The following SNTB1 variants were observed in gnomAD, a reference collection of about 807,000 sequenced individuals.
SNTB1 encodes the protein syntrophin beta 1.
SNTB1 carries 36 observed loss-of-function variants against 48.9 expected under a neutral mutation model. The observed-to-expected ratio is 0.74, with a 90% CI of 0.56 to 0.97. SNTB1 has a LOEUF of 0.97. SNTB1 is among the 50% of genes least tolerant of loss of function. The pLI is 0.00. For synonymous variants in SNTB1, 299 were observed against 294.6 expected (o/e 1.01, Z -0.15); for missense variants, 786 against 703.4 (o/e 1.12, Z -1.33).
chr8:120,568,874 A>G (rs1459345039), intron 4 of SNTB1, among the ~76,000 whole-genome samples: 2 of 152,214 alleles, frequency 1.3e-5, no homozygotes, highest in Non-Finnish European at 2.9e-5. Context: ...TAAGCTGGGT[A>G]ATTTGGGAGA....
intron 1 of SNTB1, 66 bp downstream of exon 1, chr8:120,811,207 G>A (rs1049551078): frequency 2.0e-6 from 3 of 1,521,934 alleles, no homozygotes; most frequent in South Asian, 1.3e-5. Context: ...GAGTGTGAGC[G>A]TGCGGGTGGG....
At chr8:120,675,000 G>C (rs370257291) in intron 2 of SNTB1, among the ~76,000 whole-genome samples, 1 of 152,160 alleles carries the variant, frequency 6.6e-6, no homozygotes, top group African/African-American at 2.4e-5. Flanking sequence ...GTTCCTTTTC[G>C]AACAAAGGTA....
At chr8:120,665,263 C>T (rs995489064) in intron 2 of SNTB1, among the ~76,000 whole-genome samples, 2 of 151,982 alleles carry the variant, frequency 1.3e-5, no homozygotes, top group African/African-American at 4.8e-5. Context: ...ACCAGCCTGG[C>T]CAACATAGTG....
At chr8:120,798,332 G>GTA (rs1264783774) in intron 1 of SNTB1, among the ~76,000 whole-genome samples, 15 of 152,138 alleles carry the variant, frequency 9.9e-5, no homozygotes, top group Middle Eastern at 3.4e-3. Context: ...GCTGTAGGCT[G>GTA]TACACCAGTG....
intron 1 of SNTB1, among the ~76,000 whole-genome samples, chr8:120,722,852 C>T (rs1242894699): frequency 6.6e-6 from 1 of 152,092 alleles, no homozygotes; most frequent in Non-Finnish European, 1.5e-5. Context: ...CCTAGGTTTT[C>T]TTCTAGAGTT....
intron 3 of SNTB1, among the ~76,000 whole-genome samples, chr8:120,589,898 T>C (rs941538367): frequency 2.6e-5 from 4 of 152,176 alleles, no homozygotes; most frequent in Non-Finnish European, 5.9e-5. Context: ...TACCCAGAAT[T>C]TACTCTTTCC....
At chr8:120,798,560 C>T (rs1311666658) in intron 1 of SNTB1, among the ~76,000 whole-genome samples, 1 of 152,044 alleles carries the variant, frequency 6.6e-6, no homozygotes, top group African/African-American at 2.4e-5. Flanking sequence ...CCTTGATGTA[C>T]ACAATATCCC....
intron 3 of SNTB1, among the ~76,000 whole-genome samples, chr8:120,597,062 G>A (rs1229513020): frequency 2.6e-5 from 4 of 152,174 alleles, no homozygotes; most frequent in African/African-American, 9.6e-5. Context: ...TTATCTGGAT[G>A]AGCCCTAAAT....
At chr8:120,733,336 T>C (rs775196098) in intron 1 of SNTB1, among the ~76,000 whole-genome samples, 2 of 152,258 alleles carry the variant, frequency 1.3e-5, no homozygotes, top group Non-Finnish European at 2.9e-5. Context: ...TATCCTTGGC[T>C]GGCAATTGGT....
At position 120,811,731 on chromosome 8, in the gene SNTB1, A is replaced by G; in HGVS notation, c.113T>C (p.Leu38Pro). The change falls in exon 1 of 7, where the codon CTG (leucine) becomes CCG (proline). Residue 38 changes from leucine to proline, a missense_variant. By Grantham distance (98) the Leu-to-Pro change is moderately conservative. Transcript: ENST00000517992. Reference sequence around the variant, plus strand: ...CAGGGCGTCCTCGCTCAAGTTCACCAGAACTTTGTGCCAGCGATCCCGCAC... The same window carrying G: ...CAGGGCGTCCTCGCTCAAGTTCACCGGAACTTTGTGCCAGCGATCCCGCAC... The part of the protein sequence containing the change: ...VLVRDRWHKV[L>P]VNLSEDALVL... 6.4e-7 allele frequency: 1 copy of G among 1,563,330 alleles called. No homozygotes were observed. The highest frequency in any genetic ancestry group is 8.6e-7 in the Non-Finnish European group (1 of 1,159,448).
intron 1 of SNTB1, among the ~76,000 whole-genome samples, chr8:120,726,381 C>T (rs527368057): frequency 3.3e-5 from 5 of 152,076 alleles, no homozygotes; most frequent in South Asian, 2.1e-4. Context: ...ACAAAAGAAC[C>T]GCCTATTTCT....
At chr8:120,673,313 C>A (rs565302154) in intron 2 of SNTB1, among the ~76,000 whole-genome samples, 1 of 149,264 alleles carries the variant, frequency 6.7e-6, no homozygotes, top group African/African-American at 2.5e-5. Context: ...TTTTTTGAGA[C>A]CAAATCTCAC....
At chr8:120,703,917 G>C (rs940007222) in intron 1 of SNTB1, among the ~76,000 whole-genome samples, 1 of 152,118 alleles carries the variant, frequency 6.6e-6, no homozygotes, top group Admixed American at 6.5e-5. Context: ...ATACTATTAC[G>C]CCTACCTTAT....
chr8:120,678,049 T>C (rs1817866953), intron 2 of SNTB1, among the ~76,000 whole-genome samples: 1 of 152,174 alleles, frequency 6.6e-6, no homozygotes, highest in Non-Finnish European at 1.5e-5. Context: ...GTGTGTTTCA[T>C]AACAGAGATC....
intron 5 of SNTB1, among the ~76,000 whole-genome samples, chr8:120,548,470 A>G (rs1815419996): frequency 6.6e-6 from 1 of 152,198 alleles, no homozygotes; most frequent in South Asian, 2.1e-4. Flanking sequence ...TCATGCCTCA[A>G]AGTTCATTCC....
At chr8:120,784,624 T>A (rs1819891062) in intron 1 of SNTB1, among the ~76,000 whole-genome samples, 1 of 152,182 alleles carries the variant, frequency 6.6e-6, no homozygotes, top group African/African-American at 2.4e-5. Flanking sequence ...GGAATATTCT[T>A]GGTGTGGAAT....
At chr8:120,759,913 G>A (rs1161057990) in intron 1 of SNTB1, among the ~76,000 whole-genome samples, 2 of 152,052 alleles carry the variant, frequency 1.3e-5, no homozygotes, top group African/African-American at 4.8e-5. Flanking sequence ...CAGTGTCAAG[G>A]GATTCAAACT....
At chr8:120,788,781 C>G (rs972168295) in intron 1 of SNTB1, among the ~76,000 whole-genome samples, 1 of 152,004 alleles carries the variant, frequency 6.6e-6, no homozygotes, top group Non-Finnish European at 1.5e-5. Flanking sequence ...TAGTCAGCAG[C>G]ACAATAATAG....
intron 5 of SNTB1, among the ~76,000 whole-genome samples, chr8:120,546,398 A>G (rs1338076602): frequency 1.3e-5 from 2 of 152,178 alleles, no homozygotes; most frequent in Non-Finnish European, 1.5e-5. Context: ...CAACTTAGCA[A>G]ATGTGTAAGA....
Sources: gnomAD v4.1 joint callset for allele counts (sites outside exome capture counted in the v4.1 genomes callset) on GRCh38, gnomAD v4.1.1 for gene constraint, MANE v1.5 for transcripts, NCBI Gene and HGNC (gene_info 2026-07-23, HGNC 2026-07-21) for gene names.